Variants in ST6GAL1 observed in about 807,000 individuals in gnomAD.
ST6GAL1 encodes ST6 beta-galactoside alpha-2,6-sialyltransferase 1.
A neutral mutation model predicts 38.0 loss-of-function variants in ST6GAL1; 20 were observed. That is an observed-to-expected ratio of 0.53 (90% CI 0.37 to 0.77). The LOEUF is 0.77. Ranked by LOEUF, ST6GAL1 falls within the 30% of genes least tolerant of loss-of-function variation. ST6GAL1 has a pLI of 0.00. For missense variants in ST6GAL1, 432 were observed against 496.4 expected (o/e 0.87, Z 1.23); for synonymous variants, 196 against 188.2 (o/e 1.04, Z -0.34).
chr3:187,069,999 A>G (rs1719306228), intron 5 of ST6GAL1, among the ~76,000 whole-genome samples: 1 of 152,192 alleles, frequency 6.6e-6, no homozygotes, highest in African/African-American at 2.4e-5. Flanking sequence ...TTCTCAGCAT[A>G]TGACTTCCAC....
At chr3:186,959,568 G>C (rs1033145528) in intron 1 of ST6GAL1, among the ~76,000 whole-genome samples, 18 of 152,188 alleles carry the variant, frequency 1.2e-4, no homozygotes, top group South Asian at 4.1e-4. Flanking sequence ...AATATTATTA[G>C]GTCTAGGACA....
At position 187,077,095 on chromosome 3, in the gene ST6GAL1, G is replaced by T. The variant is rs1361204221; in HGVS notation, c.*1292G>T. 2 of 397,852 alleles carry T rather than the reference G, an allele frequency of 5.0e-6. No homozygotes were observed. Among genetic ancestry groups the T allele is most frequent in the African/African-American group, 2.1e-5 (1 of 48,476 alleles). The allele number at this position is 397,852 out of a possible 1,614,324, so 24.6% of individuals were successfully genotyped here. A position where few individuals can be genotyped will look rare whatever the true frequency, so the allele number is the denominator to read the frequency against. ...AGTGGTGTGGCTCTCTGGACTTAAC[G>T]TCACTCTCAGAGGTCAGAACCTTGG... On this transcript the variant is annotated 3_prime_UTR_variant, in exon 8 of 8. Coordinates refer to ENST00000169298, the MANE Select transcript of ST6GAL1 (RefSeq NM_173216.2).
rs551978384 is a variant in ST6GAL1 at position 186,958,420 on chromosome 3, G to A, written c.-324-5365G>A. ...GTGGTATATAGAATGGTGGTAAGGA[G>A]CTAAATCCTTATTTTCTATAATAGG... On this transcript the variant is annotated intron_variant, in intron 1 of 7. Transcript: ENST00000169298. Among the ~76,000 whole-genome samples, 44 of 152,102 alleles carry A rather than the reference G, an allele frequency of 2.9e-4. 1 individual carries two copies. The highest frequency in any genetic ancestry group is 6.2e-4 in the South Asian group (3 of 4,816).
chr3:186,978,495 C>A (rs934427391), intron 2 of ST6GAL1, among the ~76,000 whole-genome samples: 3 of 152,222 alleles, frequency 2.0e-5, no homozygotes, highest in Non-Finnish European at 2.9e-5. Flanking sequence ...AGTTCACTAT[C>A]TGCTGAGCCA....
intron 2 of ST6GAL1, among the ~76,000 whole-genome samples, chr3:187,032,960 A>G (rs1007423427): frequency 1.3e-5 from 2 of 152,184 alleles, no homozygotes; most frequent in African/African-American, 4.8e-5. Context: ...AAGTATGTCC[A>G]TATGGCTTCC....
chr3:187,036,326 GA>G (rs1304521785), intron 2 of ST6GAL1, among the ~76,000 whole-genome samples: 1 of 152,192 alleles, frequency 6.6e-6, no homozygotes, highest in Non-Finnish European at 1.5e-5. Context: ...CAGCCACCAT[GA>G]AAAGCAATTT....
intron 2 of ST6GAL1, among the ~76,000 whole-genome samples, chr3:186,984,461 C>T (rs77162676): frequency 6.6e-6 from 1 of 152,012 alleles, no homozygotes. Context: ...TCCCCGACAT[C>T]GTTGTTTGTT....
At chr3:187,018,519 G>A (rs1717192426) in intron 2 of ST6GAL1, among the ~76,000 whole-genome samples, 1 of 152,178 alleles carries the variant, frequency 6.6e-6, no homozygotes, top group Non-Finnish European at 1.5e-5. Context: ...CTTGGAGTCT[G>A]ATGTTCGAGG....
rs1362965324 is a variant in ST6GAL1, at chr3:187,078,476, C to G, written c.*2673C>G. The stretch of plus-strand genomic sequence containing the variant: ...TGGTTTGGAGTTGAGATATCAGTCT[C>G]GGAAACTTCTGAAAAATGCTAATAA... On this transcript the variant is annotated 3_prime_UTR_variant, in exon 8 of 8. Transcript: ENST00000169298. The G allele has an allele frequency of 6.6e-6, 1 of 152,142 alleles. No individual in the cohort carries two copies. Among genetic ancestry groups the G allele is most frequent in the Non-Finnish European group, 1.5e-5 (1 of 68,030 alleles). 9.4% of individuals were successfully genotyped at this position (152,142 alleles called of 1,614,324 possible).
At chr3:187,043,352 G>A (rs765964735) in intron 4 of ST6GAL1, 42 bp downstream of exon 4, 12 of 1,580,054 alleles carry the variant, frequency 7.6e-6, no homozygotes, top group Non-Finnish European at 9.5e-6. Flanking sequence ...TGCTTATTGG[G>A]ACTGGCTGGG....
chr3:187,028,276 A>G (rs1378604405), intron 2 of ST6GAL1, among the ~76,000 whole-genome samples: 2 of 152,218 alleles, frequency 1.3e-5, no homozygotes, highest in Non-Finnish European at 2.9e-5. Flanking sequence ...TGACTTCTCT[A>G]AAGTCATATA....
intron 2 of ST6GAL1, among the ~76,000 whole-genome samples, chr3:186,967,491 C>T (rs545905047): frequency 3.3e-4 from 50 of 152,292 alleles, no homozygotes; most frequent in Non-Finnish European, 5.9e-4. Flanking sequence ...TGCGCCTGGC[C>T]CGAACACAGA....
chr3:186,994,987 A>G (rs1031124228), intron 2 of ST6GAL1, among the ~76,000 whole-genome samples: 2 of 152,104 alleles, frequency 1.3e-5, no homozygotes, highest in African/African-American at 4.8e-5. Flanking sequence ...AAACTACAAG[A>G]TACTATTATC....
intron 1 of ST6GAL1, among the ~76,000 whole-genome samples, chr3:186,957,596 G>A (rs12497259): frequency 0.033 from 5,011 of 152,104 alleles, 289 homozygotes; most frequent in East Asian, 0.28. Flanking sequence ...AACATTGAAA[G>A]GACATTGAAA....
At chr3:187,005,395 C>T (rs1051583930) in intron 2 of ST6GAL1, among the ~76,000 whole-genome samples, 1 of 151,236 alleles carries the variant, frequency 6.6e-6, no homozygotes, top group African/African-American at 2.4e-5. Context: ...CTTGCCTCAG[C>T]CTCCCCGGTA....
chr3:186,975,583 T>C (rs1306210633), intron 2 of ST6GAL1, among the ~76,000 whole-genome samples: 3 of 152,180 alleles, frequency 2.0e-5, no homozygotes, highest in East Asian at 3.9e-4. Flanking sequence ...ACAACTGAAC[T>C]TCCCCACAGT....
At chr3:186,990,305 A>T (rs1420294105) in intron 2 of ST6GAL1, among the ~76,000 whole-genome samples, 1 of 152,208 alleles carries the variant, frequency 6.6e-6, no homozygotes, top group Non-Finnish European at 1.5e-5. Context: ...AATTGCTGGG[A>T]TTACAGGTGT....
At chr3:187,017,727 T>C (rs1717163464) in intron 2 of ST6GAL1, among the ~76,000 whole-genome samples, 1 of 152,216 alleles carries the variant, frequency 6.6e-6, no homozygotes, top group African/African-American at 2.4e-5. Flanking sequence ...CAAGGAACAC[T>C]GGCTCAGACT....
At chr3:187,039,186 G>C (rs1267060190) in intron 3 of ST6GAL1, among the ~76,000 whole-genome samples, 4 of 152,158 alleles carry the variant, frequency 2.6e-5, no homozygotes, top group African/African-American at 9.7e-5. Flanking sequence ...ATGACGGGTG[G>C]GTCGGGACAG....
Sources: allele counts gnomAD v4.1 joint callset (sites outside exome capture counted in the v4.1 genomes callset), GRCh38; gene constraint gnomAD v4.1.1; transcripts MANE v1.5; gene names NCBI Gene and HGNC (gene_info 2026-07-23, HGNC 2026-07-21).